NBAS: variants seen among roughly 807,000 people sequenced by gnomAD.
NBAS encodes NAG/BC035112 fusion.
Under a neutral mutation model 302.5 loss-of-function variants are expected in NBAS, and 219 were observed. That is an observed-to-expected ratio of 0.72 (90% CI 0.65 to 0.81). The LOEUF is 0.81. NBAS is among the 30% of genes least tolerant of loss of function. NBAS has a pLI of 0.00. For synonymous variants in NBAS, 1,118 were observed against 1,021.6 expected (o/e 1.09, Z -1.80); for missense variants, 2,932 against 2,841.6 (o/e 1.03, Z -0.72).
At chr2:15,461,511 T>G (rs1679505133) in intron 20 of NBAS, among the ~76,000 whole-genome samples, 174 bp from the exon 21 acceptor site, 1 of 152,142 alleles carries the variant, frequency 6.6e-6, no homozygotes, top group Admixed American at 6.5e-5. Context: ...GCTATGAAAA[T>G]TATTTATTTT....
At chr2:15,112,378 T>A in the NBAS span, among the ~76,000 whole-genome samples, 1 of 151,898 alleles carries the variant, frequency 6.6e-6, no homozygotes, top group Admixed American at 6.6e-5. Flanking sequence ...AAAAAATTAA[T>A]AAAAGGAATT....
At chr2:15,459,599 C>A (rs938949046) in intron 21 of NBAS, among the ~76,000 whole-genome samples, 2 of 151,516 alleles carry the variant, frequency 1.3e-5, no homozygotes, top group Non-Finnish European at 2.9e-5. Context: ...CCTGCCTCAG[C>A]CTCCCAAGTA....
chr2:14,848,297 G>T, the NBAS span, among the ~76,000 whole-genome samples: 4 of 140,466 alleles, frequency 2.8e-5, no homozygotes, highest in Admixed American at 6.7e-5. Context: ...TTCCCTTTCC[G>T]AGTCAAAGAA....
chr2:15,461,341 T>A lies in NBAS; in HGVS notation c.2203-4A>T. 1.2e-6 allele frequency: 2 copies of A among 1,611,228 alleles called. No individual in the cohort carries two copies. Among genetic ancestry groups the A allele is most frequent in the Non-Finnish European group, 1.7e-6 (2 of 1,177,498 alleles). ...CCAGGGCTTGTACATTACTTTCCTG[T>A]ACAAAAGGCAAGGGGTAAGTTTCTA... On this transcript the variant is annotated splice_polypyrimidine_tract_variant and splice_region_variant and intron_variant, in intron 20 of 51. Transcript: ENST00000281513.
At chr2:15,121,787 A>G in the NBAS span, among the ~76,000 whole-genome samples, 2 of 151,948 alleles carry the variant, frequency 1.3e-5, no homozygotes, top group African/African-American at 2.4e-5. Flanking sequence ...CCCTACCCAC[A>G]CTAAATGTTG....
the NBAS span, among the ~76,000 whole-genome samples, chr2:14,928,681 T>G: frequency 3.3e-5 from 5 of 151,954 alleles, no homozygotes; most frequent in Non-Finnish European, 7.4e-5. Flanking sequence ...TTTAAGACCA[T>G]GTATTTCACT....
At chr2:15,387,205 C>A (rs1352477566) in intron 28 of NBAS, among the ~76,000 whole-genome samples, 2 of 151,786 alleles carry the variant, frequency 1.3e-5, no homozygotes, top group African/African-American at 2.4e-5. Context: ...GTAGCTGGGA[C>A]TATAGGCACC....
chr2:15,200,606 T>A lies in NBAS; in HGVS notation c.6433-10203A>T, dbSNP rs749226534. Among the ~76,000 whole-genome samples the A allele has an allele frequency of 7.6e-4, 116 of 152,260 alleles. No individual in the cohort carries two copies. The Middle Eastern group carries it at 0.017, about 22-fold the overall frequency. ...TCATACTGACACAACTAACAAAACATCCTAGGATTATAAAGAACAAAATTC... is the reference window on the plus strand; with the variant it reads ...TCATACTGACACAACTAACAAAACAACCTAGGATTATAAAGAACAAAATTC... On this transcript the variant is annotated intron_variant, in intron 48 of 51. Transcript: ENST00000281513.
intron 5 of NBAS, among the ~76,000 whole-genome samples, chr2:15,553,164 G>C (rs1464474320): frequency 6.6e-6 from 1 of 152,144 alleles, no homozygotes; most frequent in East Asian, 1.9e-4. Flanking sequence ...AGTTCTGGAG[G>C]ATAGGCCTCA....
the NBAS span, among the ~76,000 whole-genome samples, chr2:15,147,318 G>A: frequency 6.6e-6 from 1 of 152,142 alleles, no homozygotes; most frequent in African/African-American, 2.4e-5. Flanking sequence ...TCTGGGCTGG[G>A]CGTGGTGGCT....
the NBAS span, among the ~76,000 whole-genome samples, chr2:15,140,859 T>C: frequency 6.6e-6 from 1 of 152,226 alleles, no homozygotes; most frequent in Non-Finnish European, 1.5e-5. Flanking sequence ...TTAAATGGTA[T>C]AATACATTCA....
At chr2:15,098,411 A>G in the NBAS span, among the ~76,000 whole-genome samples, 1,174 of 55,830 alleles carry the variant, frequency 0.021, 47 homozygotes, top group East Asian at 0.024. Context: ...ATTATATATG[A>G]TATATTGTAT....
intron 35 of NBAS, among the ~76,000 whole-genome samples, chr2:15,344,681 A>G (rs1466084200): frequency 6.6e-6 from 1 of 152,184 alleles, no homozygotes; most frequent in Non-Finnish European, 1.5e-5. Flanking sequence ...CAGCATCCTG[A>G]TACTAAAACT....
the NBAS span, among the ~76,000 whole-genome samples, chr2:14,885,099 T>C: frequency 6.6e-6 from 1 of 152,174 alleles, no homozygotes; most frequent in Non-Finnish European, 1.5e-5. Flanking sequence ...TGAAAGACTC[T>C]TAAAGATGGA....
chr2:15,135,334 T>G, the NBAS span, among the ~76,000 whole-genome samples: 1 of 152,212 alleles, frequency 6.6e-6, no homozygotes, highest in African/African-American at 2.4e-5. Flanking sequence ...AATGAATCAT[T>G]GCTACCACTT....
chr2:15,497,876 A>G (rs1681127241), intron 11 of NBAS, among the ~76,000 whole-genome samples: 1 of 152,212 alleles, frequency 6.6e-6, no homozygotes, highest in Non-Finnish European at 1.5e-5. Context: ...ATGAAAAATT[A>G]GTAAAATATT....
chr2:15,366,716 A>T, intron 31 of NBAS, 23 bp from the exon 32 acceptor site: 1 of 1,606,860 alleles, frequency 6.2e-7, no homozygotes, highest in South Asian at 1.1e-5. Context: ...GACGTATTAA[A>T]GACTTGGACC....
the NBAS span, among the ~76,000 whole-genome samples, chr2:14,888,019 G>A: frequency 6.6e-6 from 1 of 152,172 alleles, no homozygotes; most frequent in Non-Finnish European, 1.5e-5. Flanking sequence ...TGATTCTGGG[G>A]GTGGGGGCTG....
chr2:14,962,956 A>T, the NBAS span, among the ~76,000 whole-genome samples: 1 of 152,038 alleles, frequency 6.6e-6, no homozygotes, highest in Non-Finnish European at 1.5e-5. Flanking sequence ...AAAAAAAAAC[A>T]AAAAACTGTT....
Sources: gnomAD v4.1 joint callset for allele counts (sites outside exome capture counted in the v4.1 genomes callset) on GRCh38, gnomAD v4.1.1 for gene constraint, MANE v1.5 for transcripts, NCBI Gene and HGNC (gene_info 2026-07-23, HGNC 2026-07-21) for gene names.